The following ZNF469 variants were observed in gnomAD, a reference collection of about 807,000 sequenced individuals.
ZNF469 encodes the protein zinc finger protein 469.
In ZNF469, 1 loss-of-function variant was observed where a neutral mutation model predicts 1.0. That is an observed-to-expected ratio of 1.00 (90% confidence interval 0.35 to 4.73). ZNF469 has a LOEUF of 4.73. Ranked by LOEUF, ZNF469 falls within the 30% of genes most tolerant of loss-of-function variation. The probability of loss-of-function intolerance (pLI) is 0.16; values close to 1 mark genes in which losing one functional copy is unlikely to be tolerated. For synonymous variants in ZNF469, 2,703 were observed against 2,363.4 expected, an observed-to-expected ratio of 1.14 and a Z score of -4.17; for missense variants, 6,100 against 5,356.3, an observed-to-expected ratio of 1.14 and a Z score of -4.33.
chr16:88,340,457 GC>G, the ZNF469 span, among the ~76,000 whole-genome samples: 51 of 152,212 alleles, frequency 3.4e-4, no homozygotes, highest in Non-Finnish European at 6.5e-4. Flanking sequence ...GGTATAAAGG[GC>G]CAGGTATAAT....
At chr16:88,271,919 G>T in the ZNF469 span, among the ~76,000 whole-genome samples, 1 of 152,096 alleles carries the variant, frequency 6.6e-6, no homozygotes, top group Non-Finnish European at 1.5e-5. Flanking sequence ...ATGGATGGGT[G>T]TATGGGTAGA....
chr16:88,438,365 G>A lies in ZNF469; in HGVS notation c.10895G>A (p.Arg3632Lys). 6.5e-7 allele frequency: 1 copy of A among 1,550,210 alleles called. No homozygotes were observed. Among genetic ancestry groups the A allele is most frequent in the Non-Finnish European group, 8.7e-7 (1 of 1,146,958 alleles). ...GKRRAPGARG[R>K]CAPDHFQEDH... is the part of the protein sequence containing the mutation. The stretch of plus-strand genomic sequence containing the variant: ...CGCAGGGCCCCGGGTGCCCGTGGCA[G>A]GTGTGCCCCTGACCATTTCCAGGAA... Residue 3632 changes from arginine (R) to lysine (K), a missense_variant, in exon 3 of 3, where the codon AGG becomes AAG. Transcript: ENST00000565624.
chr16:88,410,281 A>G (rs569074622), intron 1 of ZNF469, among the ~76,000 whole-genome samples: 60 of 148,546 alleles, frequency 4.0e-4, no homozygotes, highest in African/African-American at 1.5e-3. Context: ...GGTGACGTCT[A>G]TGATACCGTT....
rs1467084452 is a variant in ZNF469, at chr16:88,430,185, G to A, written c.2715G>A (p.Thr905=). ...CTCCGCCCCCGCTCCCAGCAGCCAC[G>A]CCGGACCCCCAAACCCCCCGCCCTG... The part of the protein sequence containing the change: ...SKAPPPLPAA[T]PDPQTPRPGD... Residue 905 remains threonine, a synonymous_variant, in exon 3 of 3, where the codon ACG becomes ACA. Transcript: ENST00000565624. 31 of 1,547,758 alleles carry A rather than the reference G, an allele frequency of 2.0e-5. No homozygotes were observed. The highest frequency in any genetic ancestry group is 4.9e-5 in the East Asian group (2 of 40,886).
At chr16:88,197,264 G>A in the ZNF469 span, among the ~76,000 whole-genome samples, 4 of 152,176 alleles carry the variant, frequency 2.6e-5, no homozygotes, top group Non-Finnish European at 5.9e-5. Flanking sequence ...AGAAGCCAGT[G>A]GCACGGACCA....
chr16:88,174,751 C>G, the ZNF469 span, among the ~76,000 whole-genome samples: 1 of 150,602 alleles, frequency 6.6e-6, no homozygotes, highest in Non-Finnish European at 1.5e-5. Flanking sequence ...ATATTTTTCT[C>G]TAGCTTTATT....
chr16:88,389,632 C>T (rs759226668), intron 1 of ZNF469, among the ~76,000 whole-genome samples: 8 of 152,294 alleles, frequency 5.3e-5, no homozygotes, highest in African/African-American at 1.4e-4. Context: ...CCTCTTACCC[C>T]GACTCTGTGG....
intron 1 of ZNF469, among the ~76,000 whole-genome samples, chr16:88,415,784 C>T (rs1018440192): frequency 1.3e-5 from 2 of 152,238 alleles, no homozygotes; most frequent in Non-Finnish European, 2.9e-5. Context: ...CCGGGACCGA[C>T]GGCTTCTTCC....
the ZNF469 span, among the ~76,000 whole-genome samples, chr16:88,225,026 G>A: frequency 6.6e-6 from 1 of 152,188 alleles, no homozygotes. Context: ...GGATGTGAGC[G>A]TGGGCTGCTC....
chr16:88,211,111 T>C, the ZNF469 span, among the ~76,000 whole-genome samples: 4 of 152,388 alleles, frequency 2.6e-5, no homozygotes, highest in South Asian at 2.1e-4. Flanking sequence ...TTAAATAGTT[T>C]TTCCCCGCAT....
the ZNF469 span, among the ~76,000 whole-genome samples, chr16:88,359,005 C>G: frequency 3.3e-5 from 5 of 152,202 alleles, no homozygotes; most frequent in Non-Finnish European, 5.9e-5. Context: ...TAAGTGTTCA[C>G]TCACTTCTAC....
At chr16:88,372,813 CCAT>C in the ZNF469 span, among the ~76,000 whole-genome samples, 8 of 145,698 alleles carry the variant, frequency 5.5e-5, no homozygotes, top group African/African-American at 2.0e-4. Flanking sequence ...ATCATTACCA[CCAT>C]CATCATGATC....
rs1189037096 is a variant in ZNF469 at position 88,432,653 on chromosome 16, A to G, written c.5183A>G (p.Gln1728Arg). 1 of 1,550,430 alleles carries G rather than the reference A, an allele frequency of 6.4e-7. No individual in the cohort carries two copies. Among genetic ancestry groups the G allele is most frequent in the African/African-American group, 1.4e-5 (1 of 73,178 alleles). The change falls in exon 3 of 3, where the codon CAG becomes CGG. Residue 1728 changes from glutamine to arginine, a missense_variant. Physicochemically the swap from Gln to Arg is conservative, Grantham distance 43. Transcript: ENST00000565624. ...GTCTGCCTGCCTGAGCCCAGCAAGC[A>G]GCCTGGCCCACAGCTGGATGCCGGG... Reference protein sequence around the residue: ...QDVCLPEPSKQPGPQLDAGSL... With the variant: ...QDVCLPEPSKRPGPQLDAGSL...
Position 88,397,594 on chromosome 16 carries a change from A to G in ZNF469, c.-192+14340A>G, listed in dbSNP as rs529356374. Among the ~76,000 whole-genome samples, 4 of 146,012 alleles carry G rather than the reference A, an allele frequency of 2.7e-5. No homozygotes were observed. The East Asian group carries it at 6.1e-4, about 22-fold the overall frequency. Reference sequence around the variant, plus strand: ...AGGCATATATGTATGTAGTATGTGTATATATGTGTGATGGATGGATGGATG... The same window carrying G: ...AGGCATATATGTATGTAGTATGTGTGTATATGTGTGATGGATGGATGGATG... On this transcript the variant is annotated intron_variant, in intron 1 of 2. Transcript: ENST00000565624.
chr16:88,416,786 C>T (rs995640846), intron 1 of ZNF469, among the ~76,000 whole-genome samples: 1 of 152,320 alleles, frequency 6.6e-6, no homozygotes, highest in African/African-American at 2.4e-5. Flanking sequence ...CCTTCCAGGG[C>T]TCCCTCCACG....
the ZNF469 span, among the ~76,000 whole-genome samples, chr16:88,278,648 C>T: frequency 5.4e-5 from 6 of 111,062 alleles, no homozygotes; most frequent in African/African-American, 1.8e-4. Context: ...GTTAGTGCTG[C>T]CTCACGCCGA....
At position 88,434,391 on chromosome 16, in the gene ZNF469, C is replaced by A. The variant is rs1432505946; in HGVS notation, c.6921C>A (p.Asp2307Glu). Residue 2307 changes from aspartate to glutamate, a missense_variant, in exon 3 of 3, where the codon GAC becomes GAA. Transcript: ENST00000565624. ...CAGGCAGGGGACTCCCAGGGCCAGA[C>A]CCCCAGAGCAGGGGAGCCCCGCCCC... ...AQAGRGLPGP[D>E]PQSRGAPPHT... 1.9e-6 allele frequency: 3 copies of A among 1,549,934 alleles called. No homozygotes were observed. Among genetic ancestry groups the A allele is most frequent in the East Asian group, 2.4e-5 (1 of 40,924 alleles).
chr16:88,111,731 G>A, the ZNF469 span, among the ~76,000 whole-genome samples: 1 of 152,144 alleles, frequency 6.6e-6, no homozygotes, highest in South Asian at 2.1e-4. Flanking sequence ...CCGACTCCCG[G>A]GTTCAAGCGA....
chr16:88,369,413 G>A, the ZNF469 span, among the ~76,000 whole-genome samples: 13 of 152,374 alleles, frequency 8.5e-5, no homozygotes, highest in South Asian at 2.1e-4. Context: ...AGGCAGCCCA[G>A]TAGGCTGGGG....
Sources: gnomAD v4.1 joint callset for allele counts (sites outside exome capture counted in the v4.1 genomes callset) on GRCh38, gnomAD v4.1.1 for gene constraint, MANE v1.5 for transcripts, NCBI Gene and HGNC (gene_info 2026-07-23, HGNC 2026-07-21) for gene names.